ALPK1: variants seen among roughly 807,000 people sequenced by gnomAD.
ALPK1 encodes alpha kinase 1, also known as alpha-protein kinase 1.
A neutral mutation model predicts 120.6 loss-of-function variants in ALPK1; 110 were observed. The ratio of observed to expected loss-of-function variants is 0.91; its 90% confidence interval spans 0.78 to 1.07. The LOEUF (loss-of-function observed/expected upper bound fraction) is 1.07. Ranked by LOEUF, ALPK1 falls within the 50% of genes least tolerant of loss-of-function variation. ALPK1 has a pLI of 0.00. For synonymous variants in ALPK1, 582 were observed against 560.3 expected (o/e 1.04, Z -0.55); for missense variants, 1,498 against 1,483.9 (o/e 1.01, Z -0.16).
chr4:112,397,148 C>T (rs932144930), intron 4 of ALPK1, among the ~76,000 whole-genome samples: 2 of 152,218 alleles, frequency 1.3e-5, no homozygotes, highest in Non-Finnish European at 2.9e-5. Context: ...TGCAAAATCA[C>T]GTAGTGCCTC....
At chr4:112,435,791 T>C (rs1383879188) in intron 12 of ALPK1, among the ~76,000 whole-genome samples, 1 of 151,962 alleles carries the variant, frequency 6.6e-6, no homozygotes, top group African/African-American at 2.4e-5. Flanking sequence ...AGGGGTGGAG[T>C]GAGGGTGCAG....
In ALPK1 at chr4:112,374,147, C is replaced by T. The variant is rs577823599; in HGVS notation, c.-100-3531C>T. On this transcript the variant is annotated intron_variant, in intron 2 of 15. Coordinates refer to ENST00000650871, the MANE Select transcript of ALPK1 (RefSeq NM_025144.4). ...GTAGAACTTCTTTCAAAATTGCAGT[C>T]GGTCCTCTTAAATCCCGCTGCTGCT... 1.4e-4 allele frequency among the ~76,000 whole-genome samples: 21 copies of T among 152,324 alleles called. No homozygotes were observed. The South Asian group carries it at 3.7e-3, about 27-fold the overall frequency.
At chr4:112,399,773 G>A (rs539523593) in intron 4 of ALPK1, among the ~76,000 whole-genome samples, 96 of 151,896 alleles carry the variant, frequency 6.3e-4, no homozygotes, top group African/African-American at 1.9e-3. Flanking sequence ...TACAGGCCCC[G>A]GTGTGTGATG....
chr4:112,438,558 C>T lies in ALPK1; in HGVS notation c.3263C>T (p.Ala1088Val). The change falls in exon 13 of 16, where the codon GCA (alanine) becomes GTA (valine). Residue 1088 changes from alanine (A) to valine (V), a missense_variant. By Grantham distance (64) the Ala-to-Val change is moderately conservative. Coordinates refer to ENST00000650871, the MANE Select transcript of ALPK1 (RefSeq NM_025144.4). ...ACTGATGTGGAGCGACAGATGACCGCACAGCACTATGTGACAGAATTTAAC... is the reference window on the plus strand; with the variant it reads ...ACTGATGTGGAGCGACAGATGACCGTACAGCACTATGTGACAGAATTTAAC... ...HFTDVERQMTAQHYVTEFNKR... is the reference protein window; with the variant it reads ...HFTDVERQMTVQHYVTEFNKR... 6.2e-7 allele frequency: 1 copy of T among 1,613,834 alleles called. No homozygotes were observed. The highest frequency in any genetic ancestry group is 8.5e-7 in the Non-Finnish European group (1 of 1,179,824).
At chr4:112,321,935 A>G (rs1728883458) in intron 2 of ALPK1, among the ~76,000 whole-genome samples, 1 of 152,218 alleles carries the variant, frequency 6.6e-6, no homozygotes, top group Admixed American at 6.5e-5. Context: ...ACACTAGTTA[A>G]AAGTGAAATT....
chr4:112,308,331 C>A (rs1728216059), intron 1 of ALPK1, among the ~76,000 whole-genome samples: 1 of 152,030 alleles, frequency 6.6e-6, no homozygotes, highest in African/African-American at 2.4e-5. Flanking sequence ...TGGATAATAT[C>A]CTGCAGAGTG....
At chr4:112,383,616 G>A (rs932064967) in intron 4 of ALPK1, 1 of 152,166 alleles carries the variant, frequency 6.6e-6, no homozygotes, top group Admixed American at 6.5e-5. Context: ...ACAATGGTGA[G>A]CCAGGGTTTT....
chr4:112,309,387 G>A (rs1290862314), intron 1 of ALPK1, among the ~76,000 whole-genome samples: 1 of 152,158 alleles, frequency 6.6e-6, no homozygotes, highest in Non-Finnish European at 1.5e-5. Context: ...GAGCTACGGT[G>A]GGCTCCACCC....
In ALPK1 at chr4:112,427,633, G is replaced by A; in HGVS notation, c.763G>A (p.Glu255Lys). ...TGTTTCCATGAGCAAGAACGATTATGAAAAGTTTAAAAACAATCCACAAAT... is the reference window on the plus strand; with the variant it reads ...TGTTTCCATGAGCAAGAACGATTATAAAAAGTTTAAAAACAATCCACAAAT... ...IFVSMSKNDY[E>K]KFKNNPQINL... Residue 255 changes from glutamate to lysine, a missense_variant, in exon 9 of 16, where the codon GAA (glutamate) becomes AAA (lysine). By Grantham distance (56) the Glu-to-Lys change is moderately conservative. Transcript: ENST00000650871. The A allele has an allele frequency of 6.2e-7, 1 of 1,613,916 alleles. No homozygotes were observed. Among genetic ancestry groups the A allele is most frequent in the South Asian group, 1.1e-5 (1 of 91,060 alleles).
chr4:112,427,561 T>G lies in ALPK1; in HGVS notation c.700-9T>G. 1 of 1,610,774 alleles carries G rather than the reference T, an allele frequency of 6.2e-7. No homozygotes were observed. Among genetic ancestry groups the G allele is most frequent in the South Asian group, 1.1e-5 (1 of 90,996 alleles). On this transcript the variant is annotated splice_polypyrimidine_tract_variant and intron_variant, in intron 8 of 15. Transcript: ENST00000650871. ...CCCGATCTGTGACTTCTTTGTGTTT[T>G]TCTTACAGGGCCTCTCCACGTCGCT...
chr4:112,438,478 T>C lies in ALPK1; in HGVS notation c.3189-6T>C, dbSNP rs1486037868. 6.2e-7 allele frequency: 1 copy of C among 1,612,430 alleles called. No individual in the cohort carries two copies. Among genetic ancestry groups the C allele is most frequent in the Non-Finnish European group, 8.5e-7 (1 of 1,179,156 alleles). On this transcript the variant is annotated splice_region_variant and splice_polypyrimidine_tract_variant and intron_variant, in intron 12 of 15. Transcript: ENST00000650871. ...ATTTTGTTGTGTGGATTTTCTTTGT[T>C]CATAGGTATGTTGGGAAAGACTATA... is the stretch of plus-strand genomic sequence containing the variant.
At chr4:112,436,932 A>G (rs1734813185) in intron 12 of ALPK1, among the ~76,000 whole-genome samples, 1 of 152,194 alleles carries the variant, frequency 6.6e-6, no homozygotes, top group Non-Finnish European at 1.5e-5. Context: ...CAAGAGAGCA[A>G]AAACAATATT....
intron 2 of ALPK1, among the ~76,000 whole-genome samples, chr4:112,318,617 T>A (rs1307188853): frequency 6.6e-6 from 1 of 152,266 alleles, no homozygotes; most frequent in Non-Finnish European, 1.5e-5. Flanking sequence ...AGTACCTTTA[T>A]AACCTAAGAC....
At chr4:112,362,615 G>T (rs532027335) in intron 2 of ALPK1, among the ~76,000 whole-genome samples, 1 of 152,160 alleles carries the variant, frequency 6.6e-6, no homozygotes, top group Non-Finnish European at 1.5e-5. Flanking sequence ...ACAAATAATT[G>T]GTATTCTCAA....
chr4:112,401,842 C>T (rs904846517), intron 4 of ALPK1, among the ~76,000 whole-genome samples: 3 of 152,268 alleles, frequency 2.0e-5, no homozygotes, highest in East Asian at 1.9e-4. Flanking sequence ...AAAAAGCTTA[C>T]AACTATTTTT....
intron 8 of ALPK1, among the ~76,000 whole-genome samples, chr4:112,427,180 G>A (rs538829030): frequency 1.3e-5 from 2 of 152,288 alleles, no homozygotes; most frequent in East Asian, 3.9e-4. Context: ...AAACCCAACT[G>A]AGAAGTAGCT....
Position 112,377,729 on chromosome 4 carries a change from G to A in ALPK1, c.-49G>A, listed in dbSNP as rs112863137. ...TATTGAGAATCAATGTCTTCTCCTA[G>A]GTAATTGATCACCCTAGACCCAGGG... is the stretch of plus-strand genomic sequence containing the variant. On this transcript the variant is annotated 5_prime_UTR_variant, in exon 3 of 16. It removes the in-frame stop codon of an upstream open reading frame in the 5' UTR. Transcript: ENST00000650871. The A allele has an allele frequency of 2.1e-5, 31 of 1,483,738 alleles. No homozygotes were observed. The African/African-American group carries it at 4.1e-4, about 19-fold the overall frequency. The allele number at this position is 1,483,738 out of a possible 1,614,324, so 91.9% of individuals were successfully genotyped here.
intron 4 of ALPK1, among the ~76,000 whole-genome samples, chr4:112,399,308 C>CT (rs1560670501): frequency 6.6e-6 from 1 of 151,986 alleles, no homozygotes; most frequent in Admixed American, 6.6e-5. Context: ...AAATTTTTTT[C>CT]TTTTTTAAAG....
At chr4:112,310,389 AC>A (rs1728341795) in intron 1 of ALPK1, among the ~76,000 whole-genome samples, 1 of 152,120 alleles carries the variant, frequency 6.6e-6, no homozygotes, top group African/African-American at 2.4e-5. Context: ...ACAAAACAAC[AC>A]ACCCTGAATA....
Sources: allele counts gnomAD v4.1 joint callset (sites outside exome capture counted in the v4.1 genomes callset), GRCh38; gene constraint gnomAD v4.1.1; transcripts MANE v1.5; gene names NCBI Gene and HGNC (gene_info 2026-07-23, HGNC 2026-07-21).